NTN4: variants seen among roughly 807,000 people sequenced by gnomAD.
NTN4 encodes the protein netrin-4.
A neutral mutation model predicts 73.6 loss-of-function variants in NTN4; 32 were observed. The observed-to-expected ratio is 0.44, with a 90% CI of 0.33 to 0.58. The LOEUF is 0.58. Among genes scored for constraint, NTN4 ranks in the 20% least tolerant of loss-of-function variants. The probability of loss-of-function intolerance (pLI) is 0.04; values close to 1 mark genes in which losing one functional copy is unlikely to be tolerated. For synonymous variants in NTN4, 258 were observed against 287.5 expected (o/e 0.90, Z 1.04); for missense variants, 654 against 798.3 (o/e 0.82, Z 2.18).
chr12:95,754,815 C>T (rs2078937255), intron 2 of NTN4, among the ~76,000 whole-genome samples: 1 of 152,214 alleles, frequency 6.6e-6, no homozygotes. Context: ...AGCCCGCCTG[C>T]ACCCAGGTGA....
At chr12:95,738,282 A>G (rs2078796803) in intron 2 of NTN4, 138 bp from the exon 3 acceptor site, 3 of 789,228 alleles carry the variant, frequency 3.8e-6, no homozygotes, top group Middle Eastern at 3.2e-4. Flanking sequence ...TTAGACCTTG[A>G]GCACACCTGG....
intron 3 of NTN4, among the ~76,000 whole-genome samples, chr12:95,722,973 CAAAAAAAAAAAAAA>C (rs71087998): frequency 1.8e-5 from 1 of 55,374 alleles, no homozygotes; most frequent in Non-Finnish European, 3.2e-5. Context: ...GACTCTGTCT[CAAAAAAAAAAAAAA>C]AAAAAAAAAA....
At chr12:95,788,881 G>C (rs1422343333) in intron 1 of NTN4, among the ~76,000 whole-genome samples, 2 of 152,114 alleles carry the variant, frequency 1.3e-5, no homozygotes, top group African/African-American at 4.8e-5. Flanking sequence ...ATCATATACT[G>C]CCTGTACAAG....
chr12:95,727,048 T>C (rs972404693), intron 3 of NTN4, among the ~76,000 whole-genome samples: 3 of 152,154 alleles, frequency 2.0e-5, no homozygotes, highest in African/African-American at 7.2e-5. Flanking sequence ...CTACCAGCAA[T>C]GTATGAAGGT....
Position 95,683,491 on chromosome 12 carries a change from C to T in NTN4, c.1394+7G>A, listed in dbSNP as rs371061883. Reference sequence around the variant, plus strand: ...TGCAGCTGAGAGCAAGAGCCTTGCACATTCACCTGCTGATGCAGTCTCCGG... The same window carrying T: ...TGCAGCTGAGAGCAAGAGCCTTGCATATTCACCTGCTGATGCAGTCTCCGG... On this transcript the variant is annotated splice_region_variant and intron_variant, in intron 6 of 9. Transcript: ENST00000343702. 1.2e-6 allele frequency: 2 copies of T among 1,612,832 alleles called. No individual in the cohort carries two copies. The highest frequency in any genetic ancestry group is 2.2e-5 in the East Asian group (1 of 44,890).
intron 3 of NTN4, among the ~76,000 whole-genome samples, chr12:95,727,070 C>T (rs1028186396): frequency 1.3e-5 from 2 of 152,128 alleles, no homozygotes. Flanking sequence ...CCAACTTTTC[C>T]ATATCATCCC....
chr12:95,660,851 T>A (rs994654446), intron 9 of NTN4, among the ~76,000 whole-genome samples: 2 of 152,134 alleles, frequency 1.3e-5, no homozygotes, highest in Non-Finnish European at 1.5e-5. Context: ...GAGAAAAAAA[T>A]GTCATCCAAG....
intron 2 of NTN4, among the ~76,000 whole-genome samples, chr12:95,746,530 C>T (rs535113844): frequency 6.6e-6 from 1 of 152,314 alleles, no homozygotes; most frequent in South Asian, 2.1e-4. Context: ...GGCGTTTTCT[C>T]TAACTCGCTC....
intron 2 of NTN4, among the ~76,000 whole-genome samples, chr12:95,755,035 G>A (rs1053155623): frequency 1.3e-5 from 2 of 152,186 alleles, no homozygotes; most frequent in African/African-American, 4.8e-5. Context: ...AAACCCAAAC[G>A]TAGAAATAGA....
chr12:95,742,679 C>T (rs2078835350), intron 2 of NTN4, among the ~76,000 whole-genome samples: 2 of 152,174 alleles, frequency 1.3e-5, no homozygotes, highest in Non-Finnish European at 2.9e-5. Context: ...CATGATGGCA[C>T]ACTTACACTG....
At chr12:95,717,799 G>A (rs2078618184) in intron 3 of NTN4, among the ~76,000 whole-genome samples, 1 of 152,116 alleles carries the variant, frequency 6.6e-6, no homozygotes, top group Non-Finnish European at 1.5e-5. Flanking sequence ...GAAAAGCGGT[G>A]TCTAGTTATC....
chr12:95,733,389 T>C (rs533501107), intron 3 of NTN4, among the ~76,000 whole-genome samples: 1 of 152,346 alleles, frequency 6.6e-6, no homozygotes, highest in Non-Finnish European at 1.5e-5. Context: ...CTGTGATTTA[T>C]TTTTGTCATT....
At chr12:95,715,171 G>A (rs910230299) in intron 3 of NTN4, among the ~76,000 whole-genome samples, 1 of 152,044 alleles carries the variant, frequency 6.6e-6, no homozygotes, top group Non-Finnish European at 1.5e-5. Flanking sequence ...AGAGGACTTC[G>A]GGCTGCGTGT....
intron 7 of NTN4, chr12:95,670,562 A>AT (rs2078219318): frequency 6.5e-6 from 1 of 154,228 alleles, no homozygotes; most frequent in South Asian, 2.1e-4. Flanking sequence ...ATGTCGTTCA[A>AT]TTTTTTTGTT....
intron 2 of NTN4, among the ~76,000 whole-genome samples, chr12:95,765,467 G>A (rs1054205523): frequency 1.3e-5 from 2 of 152,186 alleles, no homozygotes; most frequent in African/African-American, 2.4e-5. Flanking sequence ...AAGCAAAAAT[G>A]TAGACCCTCA....
At chr12:95,682,080 T>TTTTTTTTAG (rs869040983) in intron 7 of NTN4, among the ~76,000 whole-genome samples, 1 of 118,456 alleles carries the variant, frequency 8.4e-6, no homozygotes, top group African/African-American at 2.8e-5. Context: ...TTTTTTTTTT[T>TTTTTTTTAG]GAGACAAGGT....
chr12:95,758,633 C>T (rs902742468), intron 2 of NTN4, among the ~76,000 whole-genome samples: 17 of 152,186 alleles, frequency 1.1e-4, no homozygotes, highest in African/African-American at 2.9e-4. Flanking sequence ...GGCACGATCA[C>T]GGCTCACTGC....
chr12:95,742,274 T>C (rs2078832076), intron 2 of NTN4, among the ~76,000 whole-genome samples: 1 of 151,640 alleles, frequency 6.6e-6, no homozygotes, highest in Admixed American at 6.6e-5. Context: ...GGTGGGTGGA[T>C]CACAATGTCA....
chr12:95,749,404 A>G (rs568472360), intron 2 of NTN4, among the ~76,000 whole-genome samples: 2 of 152,208 alleles, frequency 1.3e-5, no homozygotes, highest in African/African-American at 4.8e-5. Flanking sequence ...GACCAGCCCA[A>G]GGAACATCTC....
Sources: allele counts gnomAD v4.1 joint callset (sites outside exome capture counted in the v4.1 genomes callset), GRCh38; gene constraint gnomAD v4.1.1; transcripts MANE v1.5; gene names NCBI Gene and HGNC (gene_info 2026-07-23, HGNC 2026-07-21).